Variants in ADAMTSL1 observed in about 807,000 individuals in gnomAD.
ADAMTSL1 encodes the protein ADAMTS like 1.
ADAMTSL1 carries 126 observed loss-of-function variants against 201.8 expected under a neutral mutation model. That is an observed-to-expected ratio of 0.62 (90% CI 0.54 to 0.72). ADAMTSL1 has a LOEUF of 0.72. Among genes scored for constraint, ADAMTSL1 ranks in the 30% least tolerant of loss-of-function variants. The pLI is 0.00. For missense variants in ADAMTSL1, 2,679 were observed against 2,277.8 expected (o/e 1.18, Z -3.59); for synonymous variants, 1,121 against 903.4 (o/e 1.24, Z -4.32).
intron 2 of ADAMTSL1, among the ~76,000 whole-genome samples, chr9:18,302,919 G>A (rs954697539): frequency 1.3e-5 from 2 of 152,160 alleles, no homozygotes; most frequent in Non-Finnish European, 2.9e-5. Context: ...AGAGAAAGAT[G>A]TAAGCTAATG....
At chr9:18,743,294 T>G (rs1818947770) in intron 15 of ADAMTSL1, among the ~76,000 whole-genome samples, 1 of 152,188 alleles carries the variant, frequency 6.6e-6, no homozygotes, top group Admixed American at 6.5e-5. Flanking sequence ...AGTTTTGGTG[T>G]TATTCTGCTA....
chr9:18,011,449 A>T (rs989587491), intron 1 of ADAMTSL1, among the ~76,000 whole-genome samples: 7 of 152,002 alleles, frequency 4.6e-5, no homozygotes, highest in African/African-American at 1.7e-4. Context: ...TCACACACTC[A>T]TGCCTAGGAG....
At chr9:18,828,661 TATATATATATATATATATA>T (rs1412463711) in intron 22 of ADAMTSL1, among the ~76,000 whole-genome samples, 2 of 60,438 alleles carry the variant, frequency 3.3e-5, no homozygotes, top group South Asian at 7.6e-4. Flanking sequence ...AAAGTATATT[TATATATATATATATATATA>T]TATATATATA....
chr9:18,782,587 A>T (rs751112163), intron 19 of ADAMTSL1, among the ~76,000 whole-genome samples: 1 of 152,274 alleles, frequency 6.6e-6, no homozygotes, highest in Non-Finnish European at 1.5e-5. Context: ...TAGTGAATGA[A>T]TTAACAAATG....
At chr9:18,483,965 C>T (rs1821859973) in intron 1 of ADAMTSL1, among the ~76,000 whole-genome samples, 2 of 152,156 alleles carry the variant, frequency 1.3e-5, no homozygotes, top group South Asian at 4.1e-4. Context: ...TACCAATAAG[C>T]CTCATTTATC....
chr9:18,059,357 G>A (rs951068341), intron 1 of ADAMTSL1, among the ~76,000 whole-genome samples: 3 of 151,984 alleles, frequency 2.0e-5, no homozygotes, highest in African/African-American at 7.2e-5. Flanking sequence ...TCATTTTTTT[G>A]GTTGAGTCAT....
intron 3 of ADAMTSL1, among the ~76,000 whole-genome samples, chr9:18,564,178 A>G (rs1282449615): frequency 6.6e-6 from 1 of 152,208 alleles, no homozygotes; most frequent in African/African-American, 2.4e-5. Context: ...TGCGCATTGC[A>G]AAGACTGTGG....
At position 18,772,904 on chromosome 9, in the gene ADAMTSL1, C is replaced by A. The variant is rs546905135; in HGVS notation, c.2397+2123C>A. Among the ~76,000 whole-genome samples, 7 of 152,246 alleles carry A rather than the reference C, an allele frequency of 4.6e-5. No individual in the cohort carries two copies. The East Asian group carries it at 1.4e-3, about 29-fold the overall frequency. ...CCAACGAATGTTACTAGCTTCTGAG[C>A]TATCTGGGTTAATGAATGGAGATTC... is the stretch of plus-strand genomic sequence containing the variant. On this transcript the variant is annotated intron_variant, in intron 17 of 28. Coordinates refer to ENST00000380548, the MANE Select transcript of ADAMTSL1 (RefSeq NM_001040272.6).
intron 2 of ADAMTSL1, among the ~76,000 whole-genome samples, chr9:18,381,743 TTA>T (rs1272826652): frequency 6.6e-6 from 1 of 152,008 alleles, no homozygotes; most frequent in Non-Finnish European, 1.5e-5. Flanking sequence ...GAGCCAATTT[TTA>T]AAACTATGTA....
At chr9:18,629,766 T>A (rs1044660012) in intron 5 of ADAMTSL1, among the ~76,000 whole-genome samples, 1 of 152,182 alleles carries the variant, frequency 6.6e-6, no homozygotes, top group African/African-American at 2.4e-5. Context: ...AGTAGAGAAG[T>A]AATTGCTTGT....
intron 4 of ADAMTSL1, among the ~76,000 whole-genome samples, chr9:18,612,832 C>T (rs1171702320): frequency 6.6e-6 from 1 of 152,054 alleles, no homozygotes; most frequent in Non-Finnish European, 1.5e-5. Flanking sequence ...ATGATGAAGA[C>T]GCCAAAACCA....
intron 2 of ADAMTSL1, among the ~76,000 whole-genome samples, chr9:18,305,875 C>A (rs905868341): frequency 1.3e-5 from 2 of 151,966 alleles, no homozygotes; most frequent in African/African-American, 4.8e-5. Context: ...CAGACTGCCT[C>A]CTCAAGTGGG....
At chr9:18,190,954 G>A (rs1828944905) in intron 2 of ADAMTSL1, among the ~76,000 whole-genome samples, 1 of 152,078 alleles carries the variant, frequency 6.6e-6, no homozygotes, top group African/African-American at 2.4e-5. Context: ...CTGGCCTACA[G>A]GTGTCAAAAT....
rs369419151 is a variant in ADAMTSL1 at position 18,730,319 on chromosome 9, G to T, written c.2006+8654G>T. ...GACTTGAGAAAGAGGTAGAGAAAAA[G>T]AGATGTTTAAGTGACATAAAAATGA... On this transcript the variant is annotated intron_variant, in intron 15 of 28. Coordinates refer to ENST00000380548, the MANE Select transcript of ADAMTSL1 (RefSeq NM_001040272.6). Among the ~76,000 whole-genome samples, 36 of 152,346 alleles carry T rather than the reference G, an allele frequency of 2.4e-4. No individual in the cohort carries two copies. The East Asian group carries it at 6.8e-3, about 29-fold the overall frequency.
rs941683479 is a variant in ADAMTSL1 at position 18,396,583 on chromosome 9, A to C, written c.208-108246A>C. ...ATATTAATTAAATTTTACATTAATA[A>C]ATATTAAATTTTAATAAATATTTTT... On this transcript the variant is annotated intron_variant, in intron 2 of 29. Coordinates refer to the ADAMTSL1 transcript ENST00000680146. Among the ~76,000 whole-genome samples the C allele has an allele frequency of 1.1e-4, 16 of 148,434 alleles. 1 individual carries two copies. Among genetic ancestry groups the C allele is most frequent in the Non-Finnish European group, 1.5e-4 (10 of 67,188 alleles).
intron 1 of ADAMTSL1, among the ~76,000 whole-genome samples, chr9:17,936,955 A>T (rs1221293614): frequency 6.6e-6 from 1 of 152,038 alleles, no homozygotes; most frequent in Non-Finnish European, 1.5e-5. Context: ...TTTCCCATGG[A>T]CATGGTTTTG....
At chr9:18,358,642 T>G (rs1836363738) in intron 2 of ADAMTSL1, among the ~76,000 whole-genome samples, 1 of 152,222 alleles carries the variant, frequency 6.6e-6, no homozygotes, top group African/African-American at 2.4e-5. Context: ...GCCTTTTGTG[T>G]CTGGCTTTTT....
intron 4 of ADAMTSL1, among the ~76,000 whole-genome samples, chr9:18,614,248 C>T (rs1587709791): frequency 6.6e-6 from 1 of 152,090 alleles, no homozygotes; most frequent in Non-Finnish European, 1.5e-5. Context: ...AGAGAGAACG[C>T]CAGGTGTGGG....
intron 2 of ADAMTSL1, among the ~76,000 whole-genome samples, chr9:18,529,748 C>G (rs1468751611): frequency 6.6e-6 from 1 of 152,048 alleles, no homozygotes; most frequent in African/African-American, 2.4e-5. Context: ...TTAAGCATTA[C>G]CACCTTAATA....
Sources: allele counts gnomAD v4.1 joint callset (sites outside exome capture counted in the v4.1 genomes callset), GRCh38; gene constraint gnomAD v4.1.1; transcripts MANE v1.5; gene names NCBI Gene and HGNC (gene_info 2026-07-23, HGNC 2026-07-21).